ABTB3: variants seen among roughly 807,000 people sequenced by gnomAD.
ABTB3 encodes ankyrin repeat and BTB domain containing 3.
At chr12:107,540,887 G>C in the ABTB3 span, among the ~76,000 whole-genome samples, 1 of 152,170 alleles carries the variant, frequency 6.6e-6, no homozygotes, top group Non-Finnish European at 1.5e-5. Flanking sequence ...TGTAGTTCCA[G>C]CTACTTGGGA....
chr12:107,409,770 G>T, the ABTB3 span, among the ~76,000 whole-genome samples: 1 of 152,170 alleles, frequency 6.6e-6, no homozygotes, highest in African/African-American at 2.4e-5. Context: ...CCTAGGTGAT[G>T]GGTTGATGTG....
chr12:107,569,251 A>G, the ABTB3 span, among the ~76,000 whole-genome samples: 1 of 152,222 alleles, frequency 6.6e-6, no homozygotes, highest in Non-Finnish European at 1.5e-5. Flanking sequence ...TGGGTTGTGG[A>G]AAAAAGAGAT....
the ABTB3 span, among the ~76,000 whole-genome samples, chr12:107,574,902 G>A: frequency 1.3e-5 from 2 of 152,130 alleles, no homozygotes; most frequent in Non-Finnish European, 1.5e-5. Flanking sequence ...CCACCCTCGT[G>A]GGCAGTTGGA....
the ABTB3 span, among the ~76,000 whole-genome samples, chr12:107,555,363 T>C: frequency 6.6e-6 from 1 of 152,164 alleles, no homozygotes; most frequent in Non-Finnish European, 1.5e-5. Context: ...AGCCGAGGGG[T>C]AGAAATTGTT....
chr12:107,524,979 C>T, the ABTB3 span, among the ~76,000 whole-genome samples: 7 of 152,158 alleles, frequency 4.6e-5, no homozygotes, highest in Admixed American at 2.0e-4. Flanking sequence ...GCAAGTGCTG[C>T]GTCATGACAT....
the ABTB3 span, among the ~76,000 whole-genome samples, chr12:107,416,310 T>A: frequency 1.3e-5 from 2 of 152,276 alleles, no homozygotes; most frequent in Admixed American, 6.5e-5. Flanking sequence ...TTCCTTTTAT[T>A]GAGCACCTGC....
the ABTB3 span, among the ~76,000 whole-genome samples, chr12:107,464,204 AGAGTGTGTGT>A: frequency 3.8e-4 from 49 of 129,170 alleles, no homozygotes; most frequent in African/African-American, 1.4e-3. Context: ...AAACATGTGA[AGAGTGTGTGT>A]GTGTGTGTGT....
the ABTB3 span, chr12:107,620,167 A>G: frequency 1.2e-6 from 2 of 1,613,818 alleles, no homozygotes; most frequent in Non-Finnish European, 1.7e-6. Context: ...CGAGCAAGGT[A>G]TGTGGGGTTT....
chr12:107,448,339 T>C, the ABTB3 span, among the ~76,000 whole-genome samples: 3 of 152,288 alleles, frequency 2.0e-5, no homozygotes, highest in East Asian at 5.8e-4. Context: ...TTGAGTTGCT[T>C]GAGTCTCACA....
At chr12:107,427,402 C>T in the ABTB3 span, among the ~76,000 whole-genome samples, 2 of 152,168 alleles carry the variant, frequency 1.3e-5, no homozygotes, top group African/African-American at 4.8e-5. Context: ...CCGCCTCAAC[C>T]TCCCGAGTAG....
the ABTB3 span, chr12:107,318,937 A>C: frequency 6.3e-7 from 1 of 1,590,000 alleles, no homozygotes; most frequent in Non-Finnish European, 8.6e-7. Context: ...GAAGTGGCGC[A>C]GCGATGGCCA....
chr12:107,612,679 AT>A, the ABTB3 span: 1 of 1,144,432 alleles, frequency 8.7e-7, no homozygotes, highest in South Asian at 1.5e-5. Context: ...GAGCACAAGC[AT>A]GGCCTCCGAA....
At chr12:107,587,048 A>C in the ABTB3 span, among the ~76,000 whole-genome samples, 1 of 152,236 alleles carries the variant, frequency 6.6e-6, no homozygotes, top group African/African-American at 2.4e-5. Context: ...TCAAGGTGGG[A>C]AACTGTTGGA....
chr12:107,372,303 A>G, the ABTB3 span, among the ~76,000 whole-genome samples: 1 of 152,224 alleles, frequency 6.6e-6, no homozygotes, highest in Non-Finnish European at 1.5e-5. Context: ...ATGAAAGCCA[A>G]GCAACAATTA....
At chr12:107,322,056 A>G in the ABTB3 span, among the ~76,000 whole-genome samples, 1 of 152,176 alleles carries the variant, frequency 6.6e-6, no homozygotes, top group Admixed American at 6.5e-5. Flanking sequence ...GATATGTAAT[A>G]CACCCCCAGG....
the ABTB3 span, among the ~76,000 whole-genome samples, chr12:107,407,097 T>C: frequency 1.3e-5 from 2 of 152,180 alleles, no homozygotes; most frequent in African/African-American, 4.8e-5. Flanking sequence ...TTAATACACA[T>C]AAAGCACTTA....
At chr12:107,632,306 G>A in the ABTB3 span, among the ~76,000 whole-genome samples, 1 of 152,150 alleles carries the variant, frequency 6.6e-6, no homozygotes, top group Non-Finnish European at 1.5e-5. Flanking sequence ...TCCAGGAAAT[G>A]GGTTCTTATT....
chr12:107,409,372 A>G, the ABTB3 span, among the ~76,000 whole-genome samples: 4 of 152,374 alleles, frequency 2.6e-5, no homozygotes, highest in South Asian at 2.1e-4. Flanking sequence ...GTGGAAAACA[A>G]TGTGGCTATT....
At chr12:107,521,293 G>GTA in the ABTB3 span, among the ~76,000 whole-genome samples, 2 of 151,690 alleles carry the variant, frequency 1.3e-5, no homozygotes, top group Admixed American at 6.6e-5. Flanking sequence ...GTGTGTGTGT[G>GTA]TGTGTGTGTG....
Sources: allele counts gnomAD v4.1 joint callset (sites outside exome capture counted in the v4.1 genomes callset), GRCh38; gene constraint gnomAD v4.1.1; transcripts MANE v1.5; gene names NCBI Gene and HGNC (gene_info 2026-07-23, HGNC 2026-07-21).